The following MIA2 variants were observed in gnomAD, a reference collection of about 807,000 sequenced individuals.
MIA2 encodes melanoma inhibitory activity protein 2.
Under a neutral mutation model 167.8 loss-of-function variants are expected in MIA2, and 127 were observed. The observed-to-expected ratio is 0.76, with a 90% CI of 0.66 to 0.88. MIA2 has a LOEUF of 0.88. Among genes scored for constraint, MIA2 ranks in the 40% least tolerant of loss-of-function variants. The pLI, the probability that MIA2 is intolerant of heterozygous loss-of-function variation, is 0.00. For synonymous variants in MIA2, 552 were observed against 541.9 expected, an observed-to-expected ratio of 1.02 and a Z score of -0.26; for missense variants, 1,690 against 1,624.7, an observed-to-expected ratio of 1.04 and a Z score of -0.69.
intron 3 of MIA2, among the ~76,000 whole-genome samples, chr14:39,245,717 G>T (rs1369643144): frequency 6.6e-6 from 1 of 151,530 alleles, no homozygotes; most frequent in Non-Finnish European, 1.5e-5. Flanking sequence ...GAGAGAGCAA[G>T]ACAGGCGCTG....
At chr14:39,285,443 T>C in intron 9 of MIA2, among the ~76,000 whole-genome samples, 3 of 106,780 alleles carry the variant, frequency 2.8e-5, no homozygotes, top group African/African-American at 3.9e-5. Flanking sequence ...CCCACCTTCC[T>C]CCCGGACGGG....
rs115005966 is a variant in MIA2 at position 39,307,914 on chromosome 14, A to T, written c.2879-535A>T. Among the ~76,000 whole-genome samples the T allele has an allele frequency of 6.1e-3, 934 of 152,188 alleles. 10 individuals are homozygous for T. The highest frequency in any genetic ancestry group is 0.022 in the African/African-American group (893 of 41,532). The stretch of plus-strand genomic sequence containing the variant: ...TGATCTCATACAAGTAAAGAGTGGA[A>T]TAGTAATAGTAATATGAGGGTGGGA... On this transcript the variant is annotated intron_variant, in intron 17 of 28. Coordinates refer to ENST00000640607, the MANE Select transcript of MIA2 (RefSeq NM_001329214.4).
At chr14:39,354,966 T>G (rs2074483064), downstream of MIA2, among the ~76,000 whole-genome samples, 1 of 152,056 alleles carries the variant, frequency 6.6e-6, no homozygotes, top group Non-Finnish European at 1.5e-5. Context: ...TACTGTAGCC[T>G]TGTAGTATAG....
chr14:39,354,973 A>G (rs557128277), downstream of MIA2, among the ~76,000 whole-genome samples: 276 of 152,108 alleles, frequency 1.8e-3, 1 homozygote, highest in African/African-American at 6.1e-3. Context: ...GCCTTGTAGT[A>G]TAGTTTGAAG....
At chr14:39,266,653 C>A (rs61739458) in intron 6 of MIA2, 99 of 985,592 alleles carry the variant, frequency 1.0e-4, no homozygotes, top group Non-Finnish European at 1.2e-4. Flanking sequence ...CAGGGCGCAC[C>A]GGCGCGTGCC....
intron 7 of MIA2, among the ~76,000 whole-genome samples, chr14:39,277,468 G>C (rs908522546): frequency 5.3e-5 from 8 of 151,468 alleles, no homozygotes; most frequent in African/African-American, 1.9e-4. Flanking sequence ...CGATGCTGCA[G>C]TGAGCCATGG....
chr14:39,329,179 C>T (rs902470997), intron 25 of MIA2, among the ~76,000 whole-genome samples: 1 of 152,150 alleles, frequency 6.6e-6, no homozygotes, highest in African/African-American at 2.4e-5. Context: ...AGAGGTCCTT[C>T]ACATCCCTTG....
chr14:39,375,307 T>A (rs8016848), intron 23 of MIA2, among the ~76,000 whole-genome samples: 89 of 152,366 alleles, frequency 5.8e-4, no homozygotes, highest in Non-Finnish European at 9.1e-4. Flanking sequence ...GTTCATACTT[T>A]ATTCATTATT....
chr14:39,273,871 C>T (rs894780410), intron 6 of MIA2, among the ~76,000 whole-genome samples: 1 of 152,098 alleles, frequency 6.6e-6, no homozygotes, highest in Non-Finnish European at 1.5e-5. Context: ...ATTTCTTCCT[C>T]CTCTATGTTT....
intron 6 of MIA2, chr14:39,266,427 G>A (rs926123262): frequency 3.0e-6 from 3 of 985,326 alleles, no homozygotes; most frequent in Non-Finnish European, 2.4e-6. Context: ...AGCACGCACC[G>A]CGCCAGGCCA....
At chr14:39,305,611 T>C (rs2063207398) in intron 17 of MIA2, among the ~76,000 whole-genome samples, 1 of 152,202 alleles carries the variant, frequency 6.6e-6, no homozygotes, top group South Asian at 2.1e-4. Flanking sequence ...TTTACAGTGG[T>C]CTTTATGTTA....
At chr14:39,317,858 A>G (rs1019395734) in intron 21 of MIA2, 86 bp from the exon 22 acceptor site, 4 of 849,424 alleles carry the variant, frequency 4.7e-6, no homozygotes, top group Admixed American at 3.2e-5. Context: ...TTTTTAAGAA[A>G]TTTAATGAAT....
chr14:39,295,100 G>C, intron 13 of MIA2, 71 bp downstream of exon 13: 5 of 1,057,148 alleles, frequency 4.7e-6, no homozygotes, highest in Non-Finnish European at 7.4e-6. Context: ...CCTCATGACT[G>C]ACCCATGCTA....
intron 23 of MIA2, among the ~76,000 whole-genome samples, chr14:39,364,230 C>T (rs190588025): frequency 1.1e-4 from 17 of 151,954 alleles, no homozygotes; most frequent in South Asian, 4.2e-4. Context: ...TGGTGGCGCG[C>T]GCCTGTAGTC....
chr14:39,323,157 T>A (rs548468660), intron 24 of MIA2, among the ~76,000 whole-genome samples: 1 of 152,260 alleles, frequency 6.6e-6, no homozygotes, highest in South Asian at 2.1e-4. Context: ...CATGAGATAT[T>A]CTCCCTTTGC....
At chr14:39,237,749 TG>T (rs1387970156) in intron 2 of MIA2, among the ~76,000 whole-genome samples, 1 of 152,138 alleles carries the variant, frequency 6.6e-6, no homozygotes, top group Non-Finnish European at 1.5e-5. Flanking sequence ...TTTGTTTGTT[TG>T]TTTTTTGAGA....
chr14:39,382,807 A>G (rs2075193293), intron 23 of MIA2, among the ~76,000 whole-genome samples: 1 of 152,156 alleles, frequency 6.6e-6, no homozygotes, highest in South Asian at 2.1e-4. Context: ...TTTCACACTC[A>G]TAAGAGATGT....
At chr14:39,241,523 A>G in intron 3 of MIA2, among the ~76,000 whole-genome samples, 1 of 152,056 alleles carries the variant, frequency 6.6e-6, no homozygotes, top group East Asian at 1.9e-4. Flanking sequence ...GTACAATCAA[A>G]CTGTACTACA....
chr14:39,275,123 A>G (rs1209576963), intron 6 of MIA2, among the ~76,000 whole-genome samples: 1 of 57,738 alleles, frequency 1.7e-5, no homozygotes, highest in Non-Finnish European at 4.3e-5. Context: ...CTTAATTTCC[A>G]TGTTTCCTTA....
Sources: gnomAD v4.1 joint callset for allele counts (sites outside exome capture counted in the v4.1 genomes callset) on GRCh38, gnomAD v4.1.1 for gene constraint, MANE v1.5 for transcripts, NCBI Gene and HGNC (gene_info 2026-07-23, HGNC 2026-07-21) for gene names.